The following ATRNL1 variants were observed in gnomAD, a reference collection of about 807,000 sequenced individuals.
The protein encoded by ATRNL1 is attractin-like protein 1.
Under a neutral mutation model 182.7 loss-of-function variants are expected in ATRNL1, and 95 were observed. The ratio of observed to expected loss-of-function variants is 0.52; its 90% CI spans 0.44 to 0.62. ATRNL1 has a LOEUF of 0.62. Ranked by LOEUF, ATRNL1 falls within the 20% of genes least tolerant of loss-of-function variation. ATRNL1 has a pLI of 0.00. For synonymous variants in ATRNL1, 576 were observed against 568.3 expected (o/e 1.01, Z -0.19); for missense variants, 1,471 against 1,679.5 (o/e 0.88, Z 2.17).
rs73365485 is a variant in ATRNL1, at chr10:115,419,457, T to A, written c.3270-6793T>A. On this transcript the variant is annotated intron_variant, in intron 20 of 28. Transcript: ENST00000355044. ...AATAACTACCTTGAATGTAAATGGT[T>A]GAAATTATTCAGTTAAAAGAGAGGC... is the stretch of plus-strand genomic sequence containing the variant. Among the ~76,000 whole-genome samples, 476 of 152,292 alleles carry A rather than the reference T, an allele frequency of 3.1e-3. 2 individuals carry two copies. The highest frequency in any genetic ancestry group is 0.011 in the African/African-American group (442 of 41,570).
At chr10:115,478,885 C>T (rs1403439142) in intron 24 of ATRNL1, among the ~76,000 whole-genome samples, 4 of 151,398 alleles carry the variant, frequency 2.6e-5, no homozygotes, top group African/African-American at 4.8e-5. Flanking sequence ...GTTTTCACTC[C>T]TACTATCTCC....
At chr10:115,206,028 G>GT (rs1204160474) in intron 8 of ATRNL1, among the ~76,000 whole-genome samples, 1 of 151,982 alleles carries the variant, frequency 6.6e-6, no homozygotes, top group African/African-American at 2.4e-5. Flanking sequence ...GATTATCTTA[G>GT]TTTTTCTGCA....
chr10:115,257,534 G>A (rs1017361452), intron 10 of ATRNL1, among the ~76,000 whole-genome samples: 2 of 152,166 alleles, frequency 1.3e-5, no homozygotes, highest in Admixed American at 1.3e-4. Flanking sequence ...TTGCACGTGA[G>A]ATGTGTCTCC....
chr10:115,412,282 C>G lies in ATRNL1; in HGVS notation c.3270-13968C>G, dbSNP rs186970995. Among the ~76,000 whole-genome samples, 41 of 152,094 alleles carry G rather than the reference C, an allele frequency of 2.7e-4. No homozygotes were observed. In the East Asian group the frequency reaches 7.5e-3, roughly 28 times the overall value. Reference sequence around the variant, plus strand: ...TATAGTGGTAAGGAAATAAATTTTGCCAAAAACCTGAGGGAAAATAGAAGC... The same window carrying G: ...TATAGTGGTAAGGAAATAAATTTTGGCAAAAACCTGAGGGAAAATAGAAGC... On this transcript the variant is annotated intron_variant, in intron 20 of 28. Coordinates refer to ENST00000355044, the MANE Select transcript of ATRNL1 (RefSeq NM_207303.4).
intron 13 of ATRNL1, among the ~76,000 whole-genome samples, chr10:115,269,466 C>T (rs954769519): frequency 1.3e-5 from 2 of 152,066 alleles, no homozygotes; most frequent in Non-Finnish European, 2.9e-5. Flanking sequence ...TCCTGAGTAG[C>T]TGGGATTATA....
At chr10:115,898,310 T>G (rs1952260033) in intron 28 of ATRNL1, among the ~76,000 whole-genome samples, 1 of 152,214 alleles carries the variant, frequency 6.6e-6, no homozygotes, top group Non-Finnish European at 1.5e-5. Context: ...TATTGACAAA[T>G]TTACTTTAAA....
intron 19 of ATRNL1, among the ~76,000 whole-genome samples, chr10:115,383,120 T>C (rs916173989): frequency 3.1e-4 from 47 of 151,782 alleles, no homozygotes; most frequent in African/African-American, 1.1e-3. Flanking sequence ...GTTTTTCTTT[T>C]TTTTTTTCTC....
chr10:115,624,262 A>G (rs1350381870), intron 26 of ATRNL1, among the ~76,000 whole-genome samples: 2 of 151,984 alleles, frequency 1.3e-5, no homozygotes. Context: ...TGATTTTATA[A>G]TAATTATGCC....
intron 19 of ATRNL1, among the ~76,000 whole-genome samples, chr10:115,366,276 CCTT>C (rs1156849085): frequency 6.6e-5 from 10 of 151,828 alleles, no homozygotes; most frequent in Admixed American, 2.6e-4. Context: ...TATGTAATGG[CCTT>C]CTTTGTCTCT....
intron 10 of ATRNL1, among the ~76,000 whole-genome samples, chr10:115,258,338 T>G (rs1592337014): frequency 6.6e-6 from 1 of 152,238 alleles, no homozygotes; most frequent in Admixed American, 6.5e-5. Context: ...TCTTACTTTT[T>G]CTTCTCGCTT....
intron 17 of ATRNL1, among the ~76,000 whole-genome samples, chr10:115,313,637 T>G (rs556236770): frequency 1.1e-3 from 171 of 152,322 alleles, no homozygotes; most frequent in Non-Finnish European, 1.7e-3. Context: ...ATAGGTGGTG[T>G]CCACAGGTAA....
At chr10:115,887,577 A>G (rs1555110107) in intron 28 of ATRNL1, among the ~76,000 whole-genome samples, 1 of 151,690 alleles carries the variant, frequency 6.6e-6, no homozygotes, top group Non-Finnish European at 1.5e-5. Flanking sequence ...ATACCATCAC[A>G]CTGGTGATTA....
intron 26 of ATRNL1, among the ~76,000 whole-genome samples, chr10:115,702,738 G>A (rs1227085116): frequency 6.6e-6 from 1 of 151,970 alleles, no homozygotes; most frequent in South Asian, 2.1e-4. Flanking sequence ...AACCAAGGAG[G>A]TGAAAGATCT....
chr10:115,130,312 C>G (rs1318084265), intron 5 of ATRNL1, among the ~76,000 whole-genome samples: 1 of 151,934 alleles, frequency 6.6e-6, no homozygotes, highest in Middle Eastern at 3.2e-3. Context: ...ACCTGAAGTA[C>G]TTGATTATGT....
chr10:115,612,875 T>C (rs1857237986), intron 26 of ATRNL1, among the ~76,000 whole-genome samples: 1 of 152,202 alleles, frequency 6.6e-6, no homozygotes, highest in Non-Finnish European at 1.5e-5. Flanking sequence ...ATTTTGATCC[T>C]GACAACTTTC....
At position 115,519,364 on chromosome 10, in the gene ATRNL1, T is replaced by C. The variant is rs782094337; in HGVS notation, c.3716+40T>C. 28 of 1,500,832 alleles carry C rather than the reference T, an allele frequency of 1.9e-5. No homozygotes were observed. In the South Asian group the frequency reaches 2.7e-4, roughly 15 times the overall value. 93.0% of individuals were successfully genotyped at this position (1,500,832 alleles called of 1,614,324 possible). On this transcript the variant is annotated intron_variant, in intron 25 of 28. Coordinates refer to ENST00000355044, the MANE Select transcript of ATRNL1 (RefSeq NM_207303.4). ...TGACTGACTTTGAACTTTTCAAGCC[T>C]GTATTCTGATATATGTCCTGTCAAT...
At position 115,302,041 on chromosome 10, in the gene ATRNL1, C is replaced by T. The variant is rs781816377; in HGVS notation, c.2816C>T (p.Ser939Phe). The T allele has an allele frequency of 4.3e-6, 7 of 1,610,908 alleles. No homozygotes were observed. The African/African-American group carries it at 6.7e-5, about 15-fold the overall frequency. The change falls in exon 17 of 29, where the codon TCC becomes TTC. Residue 939 changes from serine (S) to phenylalanine (F), a missense_variant and splice_region_variant. Ser to Phe is a radical substitution (Grantham distance 155). Transcript: ENST00000355044. ...QCLEWQTATC[S>F]PQNCSGLRTC... The stretch of plus-strand genomic sequence containing the variant: ...CTAGAGTGGCAAACTGCCACCTGCT[C>T]CCGTAAGTATTTATCTAGAGTGACT...
chr10:115,146,248 A>G (rs1190881695), intron 5 of ATRNL1, among the ~76,000 whole-genome samples: 1 of 152,162 alleles, frequency 6.6e-6, no homozygotes, highest in Non-Finnish European at 1.5e-5. Flanking sequence ...TATAGATGAA[A>G]TATAAATTAA....
At chr10:115,227,214 A>G (rs1415546162) in intron 9 of ATRNL1, among the ~76,000 whole-genome samples, 1 of 152,120 alleles carries the variant, frequency 6.6e-6, no homozygotes, top group Non-Finnish European at 1.5e-5. Flanking sequence ...AGAGAACTTA[A>G]GTCCACAGGC....
Sources: gnomAD v4.1 joint callset for allele counts (sites outside exome capture counted in the v4.1 genomes callset) on GRCh38, gnomAD v4.1.1 for gene constraint, MANE v1.5 for transcripts, NCBI Gene and HGNC (gene_info 2026-07-23, HGNC 2026-07-21) for gene names.